ACER2: variants seen among roughly 807,000 people sequenced by gnomAD.
ACER2 encodes alkCDase 2.
ACER2 carries 26 observed loss-of-function variants against 34.7 expected under a neutral mutation model. That is an observed-to-expected ratio of 0.75 (90% CI 0.55 to 1.04). The LOEUF is 1.04. ACER2 is among the 50% of genes least tolerant of loss of function. The pLI, the probability that ACER2 is intolerant of heterozygous loss-of-function variation, is 0.00. For missense variants in ACER2, 352 were observed against 340.8 expected (o/e 1.03, Z -0.26); for synonymous variants, 138 against 132.1 (o/e 1.04, Z -0.31).
At chr9:19,422,628 G>C (rs1029769137) in intron 1 of ACER2, among the ~76,000 whole-genome samples, 1 of 152,074 alleles carries the variant, frequency 6.6e-6, no homozygotes, top group Non-Finnish European at 1.5e-5. Flanking sequence ...GAAAAGGCTG[G>C]CTTGGCTGGG....
chr9:19,435,247 C>T (rs1237992154), intron 4 of ACER2, among the ~76,000 whole-genome samples, 163 bp downstream of exon 4: 3 of 152,206 alleles, frequency 2.0e-5, no homozygotes, highest in African/African-American at 7.2e-5. Context: ...GTTCAAAATA[C>T]TGGTAATCTC....
intron 3 of ACER2, among the ~76,000 whole-genome samples, chr9:19,427,752 C>T (rs186041604): frequency 2.0e-5 from 3 of 151,780 alleles, no homozygotes; most frequent in Non-Finnish European, 4.4e-5. Context: ...CTGCAAGCTC[C>T]ACTTCCTATG....
intron 1 of ACER2, among the ~76,000 whole-genome samples, chr9:19,419,146 G>A (rs778462464): frequency 6.6e-6 from 1 of 152,052 alleles, no homozygotes; most frequent in Middle Eastern, 3.4e-3. Context: ...AGCCGAGATC[G>A]CACCATTGTA....
chr9:19,445,210 C>G (rs1563892025), intron 4 of ACER2, among the ~76,000 whole-genome samples: 1 of 152,218 alleles, frequency 6.6e-6, no homozygotes, highest in African/African-American at 2.4e-5. Flanking sequence ...AAGTCTTTGT[C>G]AAGGAAAGAA....
In ACER2 at chr9:19,450,246, C is replaced by T. The variant is rs571764952; in HGVS notation, c.642-204C>T. 91 of 985,376 alleles carry T rather than the reference C, an allele frequency of 9.2e-5. No individual in the cohort carries two copies. In the South Asian group the frequency reaches 3.0e-3, roughly 33 times the overall value. The allele number at this position is 985,376 out of a possible 1,614,324, so 61.0% of individuals were successfully genotyped here. On this transcript the variant is annotated intron_variant, in intron 5 of 5. Transcript: ENST00000340967. ...AGGACTATTTAAGAACATTCTAAAA[C>T]GGGTCCCAAATTGCTGAAGATTTAT...
intron 4 of ACER2, among the ~76,000 whole-genome samples, chr9:19,443,547 C>T (rs1831229315): frequency 6.6e-6 from 1 of 152,216 alleles, no homozygotes. Context: ...ATAATTTTAT[C>T]CATTAATTCA....
chr9:19,433,777 CG>C (rs1415747986), intron 3 of ACER2, among the ~76,000 whole-genome samples: 7 of 145,774 alleles, frequency 4.8e-5, no homozygotes, highest in Non-Finnish European at 9.0e-5. Context: ...GCTGGCCGGG[CG>C]GGGGGCTGAC....
At chr9:19,413,901 C>T (rs1014517418) in intron 1 of ACER2, among the ~76,000 whole-genome samples, 5 of 152,172 alleles carry the variant, frequency 3.3e-5, no homozygotes, top group Admixed American at 1.3e-4. Context: ...ATCTATCGGT[C>T]GATCCATCAA....
chr9:19,431,748 C>G lies in ACER2; in HGVS notation c.366-3199C>G, dbSNP rs147103171. On this transcript the variant is annotated intron_variant, in intron 3 of 5. Coordinates refer to ENST00000340967, the MANE Select transcript of ACER2 (RefSeq NM_001010887.3). ...TGGTAGAGGTTCAGAGCTATAATTC[C>G]TGTTCATTCCAGTCTGAAAGTTGGC... Among the ~76,000 whole-genome samples the G allele has an allele frequency of 1.5e-3, 235 of 152,328 alleles. 7 individuals are homozygous for G. Among genetic ancestry groups the G allele is most frequent in the Admixed American group, 0.014 (207 of 15,302 alleles).
intron 4 of ACER2, among the ~76,000 whole-genome samples, chr9:19,438,133 C>T (rs765032157): frequency 1.3e-5 from 2 of 152,188 alleles, no homozygotes; most frequent in South Asian, 4.1e-4. Context: ...TCAGTTCAGG[C>T]TTTTACTAGC....
chr9:19,445,269 C>G (rs1396308337), intron 4 of ACER2, among the ~76,000 whole-genome samples: 1 of 152,166 alleles, frequency 6.6e-6, no homozygotes, highest in Non-Finnish European at 1.5e-5. Flanking sequence ...TTTCAGAAAA[C>G]CATTTTGTCC....
Position 19,424,730 on chromosome 9 carries a change from T to G in ACER2, c.254T>G (p.Leu85Arg), listed in dbSNP as rs1205045938. The G allele has an allele frequency of 6.2e-6, 10 of 1,613,986 alleles. No homozygotes were observed. The highest frequency in any genetic ancestry group is 8.5e-7 in the Non-Finnish European group (1 of 1,180,038). The part of the protein sequence containing the change: ...GIGSVYFHAT[L>R]SFLGQMLDEL... ...GGATCCGTCTACTTCCATGCAACCC[T>G]TAGTTTCTTGGGTCAGATGCTTGAT... Residue 85 changes from leucine (L) to arginine (R), a missense_variant, in exon 3 of 6, where the codon CTT becomes CGT. Physicochemically the swap from Leu to Arg is moderately radical, Grantham distance 102 (BLOSUM62 -2). Coordinates refer to ENST00000340967, the MANE Select transcript of ACER2 (RefSeq NM_001010887.3).
At chr9:19,424,937 G>T (rs1024866646) in intron 3 of ACER2, 96 bp downstream of exon 3, 100 of 1,455,088 alleles carry the variant, frequency 6.9e-5, no homozygotes, top group Non-Finnish European at 8.6e-5. Context: ...ATTGAACTCA[G>T]CCTAGTGATG....
chr9:19,433,806 G>A (rs1180770113), intron 3 of ACER2, among the ~76,000 whole-genome samples: 6 of 150,708 alleles, frequency 4.0e-5, no homozygotes, highest in East Asian at 4.0e-4. Flanking sequence ...CCTCCTTCCC[G>A]GACGGGGCGG....
chr9:19,423,461 G>C (rs1405545139), intron 1 of ACER2, among the ~76,000 whole-genome samples: 1 of 152,222 alleles, frequency 6.6e-6, no homozygotes, highest in Admixed American at 6.5e-5. Context: ...AGCACGTTGG[G>C]AGGCTGAAGC....
intron 4 of ACER2, among the ~76,000 whole-genome samples, chr9:19,442,813 A>G (rs1018256784): frequency 4.7e-5 from 7 of 149,802 alleles, no homozygotes; most frequent in Non-Finnish European, 8.9e-5. Flanking sequence ...AGTGCCTAGC[A>G]TGGAATTTGG....
rs149200158 is a variant in ACER2 at position 19,436,174 on chromosome 9, C to G, written c.503+1090C>G. ...TCAAGCAGTCCTCTTGCCTCAGCGT[C>G]CCAAAGTATTGGGATTGCAGGTGTG... is the stretch of plus-strand genomic sequence containing the variant. On this transcript the variant is annotated intron_variant, in intron 4 of 5. Coordinates refer to ENST00000340967, the MANE Select transcript of ACER2 (RefSeq NM_001010887.3). Among the ~76,000 whole-genome samples, 1,417 of 152,014 alleles carry G rather than the reference C, an allele frequency of 9.3e-3. 16 individuals are homozygous for G. The highest frequency in any genetic ancestry group is 0.033 in the African/African-American group (1,348 of 41,448).
intron 5 of ACER2, among the ~76,000 whole-genome samples, chr9:19,447,243 C>G (rs1831402668): frequency 6.6e-6 from 1 of 152,150 alleles, no homozygotes; most frequent in South Asian, 2.1e-4. Flanking sequence ...GAGAGGAATT[C>G]TAGTGGTGAA....
chr9:19,426,093 A>G (rs1412698838), intron 3 of ACER2, among the ~76,000 whole-genome samples: 1 of 151,744 alleles, frequency 6.6e-6, no homozygotes, highest in Non-Finnish European at 1.5e-5. Flanking sequence ...ACTCTTTCTG[A>G]GTATGTTTTT....
Sources: gnomAD v4.1 joint callset for allele counts (sites outside exome capture counted in the v4.1 genomes callset) on GRCh38, gnomAD v4.1.1 for gene constraint, MANE v1.5 for transcripts, NCBI Gene and HGNC (gene_info 2026-07-23, HGNC 2026-07-21) for gene names.